Variants in PTPN21 observed in about 807,000 individuals in gnomAD.
PTPN21 encodes the protein tyrosine-protein phosphatase non-receptor type 21.
In PTPN21, 77 loss-of-function variants were observed where a neutral mutation model predicts 131.8. The observed-to-expected ratio is 0.58, with a 90% CI of 0.49 to 0.71. PTPN21 has a LOEUF of 0.71. PTPN21 is among the 30% of genes least tolerant of loss of function. The pLI is 0.00. For synonymous variants in PTPN21, 715 were observed against 621.3 expected, an observed-to-expected ratio of 1.15 and a Z score of -2.24; for missense variants, 1,552 against 1,527.1, an observed-to-expected ratio of 1.02 and a Z score of -0.27.
intron 10 of PTPN21, among the ~76,000 whole-genome samples, chr14:88,493,796 C>A (rs2077862402): frequency 6.6e-6 from 1 of 152,180 alleles, no homozygotes; most frequent in Non-Finnish European, 1.5e-5. Context: ...GTAGCCTTTC[C>A]TATCTTGGCA....
In PTPN21 at chr14:88,507,903, T is replaced by C. The variant is rs536452882; in HGVS notation, c.448+20A>G. 1.4e-6 allele frequency: 2 copies of C among 1,459,808 alleles called. No individual in the cohort carries two copies. The highest frequency in any genetic ancestry group is 2.8e-5 in the African/African-American group (2 of 71,442). 90.4% of individuals were successfully genotyped at this position (1,459,808 alleles called of 1,614,324 possible). A position where few individuals can be genotyped will look rare whatever the true frequency, so the allele number is the denominator to read the frequency against. On this transcript the variant is annotated intron_variant, in intron 4 of 18. Transcript: ENST00000556564. ...TTTTAATCTGATAGAACCATTTCATTATGAATTGATCTTATTTACCTTGAA... is the reference window on the plus strand; with the variant it reads ...TTTTAATCTGATAGAACCATTTCATCATGAATTGATCTTATTTACCTTGAA...
chr14:88,534,339 C>T lies in PTPN21; in HGVS notation c.180+15899G>A, dbSNP rs114276987. ...CAGAGGTTGCAGTAAGCCAAGATCA[C>T]GCAACTGTACCCCAGCCTGGGCAAC... On this transcript the variant is annotated intron_variant, in intron 2 of 18. Transcript: ENST00000556564. Among the ~76,000 whole-genome samples the T allele has an allele frequency of 5.4e-3, 805 of 149,490 alleles. 5 individuals are homozygous for T. Among genetic ancestry groups the T allele is most frequent in the African/African-American group, 0.019 (781 of 40,480 alleles).
intron 4 of PTPN21, among the ~76,000 whole-genome samples, chr14:88,506,938 C>A (rs1024320704): frequency 6.6e-6 from 1 of 151,690 alleles, no homozygotes; most frequent in African/African-American, 2.4e-5. Flanking sequence ...CCCAGGTACT[C>A]GGGAGGCTGA....
intron 10 of PTPN21, among the ~76,000 whole-genome samples, chr14:88,488,309 T>G (rs1199750187): frequency 6.9e-6 from 1 of 145,572 alleles, no homozygotes; most frequent in African/African-American, 2.6e-5. Context: ...TGAGAGCTTA[T>G]CTTGGCGCTC....
intron 6 of PTPN21, 123 bp from the exon 7 acceptor site, chr14:88,501,491 C>T (rs1204932526): frequency 2.4e-6 from 2 of 843,866 alleles, no homozygotes; most frequent in Admixed American, 2.4e-5. Context: ...CGTTTCTAAG[C>T]ATCTATAATT....
intron 14 of PTPN21, 126 bp from the exon 15 acceptor site, chr14:88,472,591 T>C (rs538646801): frequency 1.5e-6 from 1 of 659,278 alleles, no homozygotes; most frequent in South Asian, 2.0e-5. Context: ...AATTCTAGGT[T>C]GGGCACGGTG....
chr14:88,531,934 C>A (rs975056940), intron 2 of PTPN21, among the ~76,000 whole-genome samples: 2 of 152,092 alleles, frequency 1.3e-5, no homozygotes, highest in Non-Finnish European at 2.9e-5. Context: ...ACAACCAATA[C>A]CACAGAAATA....
intron 13 of PTPN21, among the ~76,000 whole-genome samples, chr14:88,477,032 G>A (rs182359033): frequency 3.2e-4 from 48 of 152,122 alleles, no homozygotes; most frequent in Non-Finnish European, 4.1e-4. Flanking sequence ...AAAACAGACC[G>A]TTCTTAATGC....
chr14:88,481,184 T>C (rs73314152), intron 12 of PTPN21, among the ~76,000 whole-genome samples: 5,607 of 152,270 alleles, frequency 0.037, 342 homozygotes, highest in African/African-American at 0.13. Flanking sequence ...AGGCATTCTT[T>C]TTGTGCTTCG....
chr14:88,469,920 A>T lies in PTPN21; in HGVS notation c.3000+2T>A. 1 of 1,613,826 alleles carries T rather than the reference A, an allele frequency of 6.2e-7. No homozygotes were observed. The highest frequency in any genetic ancestry group is 1.1e-5 in the South Asian group (1 of 91,066). On this transcript the variant is annotated splice_donor_variant, in intron 16 of 18. Transcript: ENST00000556564. LOFTEE classifies it high-confidence loss of function. The surrounding 1 kb of genome is among the most constrained non-coding windows in gnomAD (Gnocchi z 4.3). ...AATCACTTAAGAGAAATAAGTACCTACCTCTTCTGCTGTCACCATTGCTAT... is the reference window on the plus strand; with the variant it reads ...AATCACTTAAGAGAAATAAGTACCTTCCTCTTCTGCTGTCACCATTGCTAT...
At position 88,550,599 on chromosome 14, in the gene PTPN21, A is replaced by C; in HGVS notation, c.-182T>G. 1.7e-6 allele frequency: 1 copy of C among 597,256 alleles called. No individual in the cohort carries two copies. Among genetic ancestry groups the C allele is most frequent in the Non-Finnish European group, 2.9e-6 (1 of 347,870 alleles). 37.0% of individuals were successfully genotyped at this position (597,256 alleles called of 1,614,324 possible). A position where few individuals can be genotyped will look rare whatever the true frequency, so the allele number is the denominator to read the frequency against. On this transcript the variant is annotated 5_prime_UTR_variant, in exon 2 of 19. Coordinates refer to ENST00000556564, the MANE Select transcript of PTPN21 (RefSeq NM_007039.4). ...CAACGGAGTCTCCAATGGCCCGAGG[A>C]AGGGAGCATTGACGCCAGCGCTGGG...
At chr14:88,481,824 C>T (rs1386542475) in intron 12 of PTPN21, among the ~76,000 whole-genome samples, 3 of 152,310 alleles carry the variant, frequency 2.0e-5, no homozygotes, top group Non-Finnish European at 1.5e-5. Flanking sequence ...TCTCAGAGCA[C>T]GCAGGGTTAC....
chr14:88,517,297 C>T (rs966315238), intron 2 of PTPN21, 36 bp from the exon 3 acceptor site: 1 of 1,601,288 alleles, frequency 6.2e-7, no homozygotes, highest in African/African-American at 1.3e-5. Flanking sequence ...GAGGCAATAA[C>T]ATACAAAAGG....
In PTPN21 at chr14:88,497,257, CTTG is replaced by C; in HGVS notation, c.795_797del (p.Asn265del). 2.5e-6 allele frequency: 4 copies of C among 1,613,640 alleles called. No homozygotes were observed. The highest frequency in any genetic ancestry group is 3.4e-6 in the Non-Finnish European group (4 of 1,179,604). ...TTGCCAGCTCTAATGCAAAAAAGGACTTGTTGTGGGACATGTTGGCAATGTCAT... is the reference window on the plus strand; with the variant it reads ...TTGCCAGCTCTAATGCAAAAAAGGACTTGTGGGACATGTTGGCAATGTCAT... On this transcript the variant is annotated inframe_deletion, in exon 9 of 19. Transcript: ENST00000556564.
rs767106956 is a variant in PTPN21, at chr14:88,497,199, TCA to T, written c.852+2_852+3del. On this transcript the variant is annotated splice_donor_variant and splice_donor_region_variant and intron_variant, in intron 9 of 18. Transcript: ENST00000556564. LOFTEE classifies it high-confidence loss of function. ...TTCCATGCAGACCCCTAATGTTTACTCACAGTTTGAAATTGAATGGTCTCCTC... is the reference window on the plus strand; with the variant it reads ...TTCCATGCAGACCCCTAATGTTTACTCAGTTTGAAATTGAATGGTCTCCTC... 6 of 1,590,264 alleles carry T rather than the reference TCA, an allele frequency of 3.8e-6. No homozygotes were observed. The highest frequency in any genetic ancestry group is 1.3e-5 in the African/African-American group (1 of 74,280).
chr14:88,544,209 G>T (rs1332361429), intron 2 of PTPN21, among the ~76,000 whole-genome samples: 1 of 152,082 alleles, frequency 6.6e-6, no homozygotes, highest in East Asian at 1.9e-4. Flanking sequence ...GCCAGGAGTG[G>T]TGGCAGGTGC....
At chr14:88,517,678 GTATATATACA>G (rs2139312219) in intron 2 of PTPN21, among the ~76,000 whole-genome samples, 1 of 16,120 alleles carries the variant, frequency 6.2e-5, no homozygotes, top group East Asian at 2.2e-3. Flanking sequence ...ACACACATAT[GTATATATACA>G]TATGTGTGCG....
intron 2 of PTPN21, among the ~76,000 whole-genome samples, chr14:88,517,820 G>A (rs1004510703): frequency 1.4e-5 from 2 of 145,528 alleles, no homozygotes; most frequent in Non-Finnish European, 3.0e-5. Context: ...GTGTGTATGT[G>A]TATATATAGT....
chr14:88,513,651 A>C (rs1200530401), intron 3 of PTPN21: 3 of 152,216 alleles, frequency 2.0e-5, no homozygotes, highest in Non-Finnish European at 4.4e-5. Flanking sequence ...GAAGTTCTGC[A>C]AGCCAGGAAG....
Sources: allele counts gnomAD v4.1 joint callset (sites outside exome capture counted in the v4.1 genomes callset), GRCh38; gene constraint gnomAD v4.1.1; non-coding constraint Gnocchi (gnomAD v3.1); transcripts MANE v1.5; gene names NCBI Gene and HGNC (gene_info 2026-07-23, HGNC 2026-07-21).